ANKRD31: variants seen among roughly 807,000 people sequenced by gnomAD.
ANKRD31 encodes ankyrin repeat domain-containing protein 31.
Under a neutral mutation model 186.0 loss-of-function variants are expected in ANKRD31, and 147 were observed. The ratio of observed to expected loss-of-function variants is 0.79; its 90% CI spans 0.69 to 0.91. The LOEUF (loss-of-function observed/expected upper bound fraction) is 0.91, where lower values mean the gene tolerates loss of function less well. Among genes scored for constraint, ANKRD31 ranks in the 40% least tolerant of loss-of-function variants. ANKRD31 has a pLI of 0.00. For missense variants in ANKRD31, 1,986 were observed against 2,148.8 expected, an observed-to-expected ratio of 0.92 and a Z score of 1.50; for synonymous variants, 673 against 736.4, an observed-to-expected ratio of 0.91 and a Z score of 1.39.
intron 4 of ANKRD31, among the ~76,000 whole-genome samples, chr5:75,210,605 G>A (rs974371324): frequency 1.3e-5 from 2 of 151,922 alleles, no homozygotes; most frequent in South Asian, 2.1e-4. Flanking sequence ...CTTTAAATTC[G>A]CTTTTAAAAT....
intron 23 of ANKRD31, among the ~76,000 whole-genome samples, chr5:75,084,976 T>C (rs73127366): frequency 0.049 from 7,452 of 152,226 alleles, 393 homozygotes; most frequent in African/African-American, 0.13. Flanking sequence ...GAGGCAGAAC[T>C]GGTAAATTCT....
intron 15 of ANKRD31, among the ~76,000 whole-genome samples, chr5:75,140,869 C>T (rs774550283): frequency 6.6e-6 from 1 of 152,168 alleles, no homozygotes; most frequent in Non-Finnish European, 1.5e-5. Context: ...CCTAGTAGAG[C>T]CTTCAGATGA....
Position 75,129,806 on chromosome 5 carries a change from G to A in ANKRD31, c.3876+8050C>T, listed in dbSNP as rs1430905008. ...TTGTCGGACAGTGGGTGCAGCCCAC[G>A]GAGTGTGAGCCGAAGCAGGGCAGGG... On this transcript the variant is annotated intron_variant, in intron 17 of 25. Transcript: ENST00000506364. Among the ~76,000 whole-genome samples, 8 of 152,184 alleles carry A rather than the reference G, an allele frequency of 5.3e-5. No individual in the cohort carries two copies. In the East Asian group the frequency reaches 7.7e-4, roughly 15 times the overall value.
At chr5:75,159,770 A>G (rs1300725063) in intron 11 of ANKRD31, among the ~76,000 whole-genome samples, 1 of 152,080 alleles carries the variant, frequency 6.6e-6, no homozygotes, top group African/African-American at 2.4e-5. Context: ...TCAAATCCAC[A>G]TGAAAAAGCC....
chr5:75,224,130 T>TATTC (rs1757474360), intron 2 of ANKRD31, among the ~76,000 whole-genome samples: 1 of 8,104 alleles, frequency 1.2e-4, no homozygotes, highest in Non-Finnish European at 2.2e-4. Flanking sequence ...CAGAAATAAT[T>TATTC]ATATATATAT....
chr5:75,091,496 T>C (rs1745919412), intron 22 of ANKRD31, 95 bp from the exon 23 acceptor site: 4 of 1,085,396 alleles, frequency 3.7e-6, no homozygotes, highest in Non-Finnish European at 5.2e-6. Context: ...GGACCACATA[T>C]ACCCTAACAC....
At chr5:75,155,678 G>A (rs1561484989) in intron 11 of ANKRD31, among the ~76,000 whole-genome samples, 1 of 152,166 alleles carries the variant, frequency 6.6e-6, no homozygotes, top group Non-Finnish European at 1.5e-5. Context: ...AAATTTCCAT[G>A]TTAATGTATG....
intron 12 of ANKRD31, among the ~76,000 whole-genome samples, chr5:75,151,897 G>C (rs547073729): frequency 4.6e-5 from 7 of 152,056 alleles, no homozygotes; most frequent in African/African-American, 1.7e-4. Flanking sequence ...CGTAATTGCT[G>C]GCTATCCCTG....
intron 17 of ANKRD31, among the ~76,000 whole-genome samples, chr5:75,125,737 G>T (rs1749199053): frequency 6.6e-6 from 1 of 152,108 alleles, no homozygotes; most frequent in Admixed American, 6.5e-5. Context: ...TTCAGTAATA[G>T]TCATCCACAG....
intron 7 of ANKRD31, among the ~76,000 whole-genome samples, chr5:75,194,554 A>G (rs1193619536): frequency 6.6e-6 from 1 of 152,154 alleles, no homozygotes; most frequent in Non-Finnish European, 1.5e-5. Context: ...AAATCTTCAC[A>G]AGGATGTTCA....
intron 4 of ANKRD31, among the ~76,000 whole-genome samples, chr5:75,209,311 T>TA (rs968526896): frequency 7.3e-4 from 108 of 147,588 alleles, no homozygotes; most frequent in African/African-American, 2.3e-3. Flanking sequence ...CCTCTCAAGT[T>TA]AAAAAAAAAA....
chr5:75,192,618 A>C, intron 9 of ANKRD31, 49 bp downstream of exon 9: 1 of 1,325,028 alleles, frequency 7.5e-7, no homozygotes, highest in Non-Finnish European at 1.0e-6. Context: ...CCTTTCTACC[A>C]ATTCTGTTTT....
intron 20 of ANKRD31, among the ~76,000 whole-genome samples, chr5:75,109,352 T>A (rs1747585466): frequency 6.6e-6 from 1 of 152,160 alleles, no homozygotes; most frequent in Non-Finnish European, 1.5e-5. Context: ...CAAAGAAATG[T>A]ACAAAATGGG....
intron 10 of ANKRD31, among the ~76,000 whole-genome samples, chr5:75,173,106 C>A (rs536095063): frequency 6.6e-6 from 1 of 152,072 alleles, no homozygotes; most frequent in Non-Finnish European, 1.5e-5. Flanking sequence ...TAAATGTAAT[C>A]CATCACATAA....
chr5:75,172,853 C>A (rs1471479295), intron 10 of ANKRD31, among the ~76,000 whole-genome samples: 2 of 151,886 alleles, frequency 1.3e-5, no homozygotes, highest in Non-Finnish European at 1.5e-5. Flanking sequence ...TTCCAATCAA[C>A]AGAAAAAAAG....
intron 10 of ANKRD31, among the ~76,000 whole-genome samples, chr5:75,178,243 A>G (rs561881590): frequency 6.6e-6 from 1 of 152,354 alleles, no homozygotes; most frequent in African/African-American, 2.4e-5. Flanking sequence ...GCAATTCCTT[A>G]GTGACCTACA....
chr5:75,220,368 C>T (rs543811785), intron 3 of ANKRD31, among the ~76,000 whole-genome samples: 13 of 152,254 alleles, frequency 8.5e-5, no homozygotes, highest in East Asian at 1.9e-4. Flanking sequence ...TGGCCGGGAA[C>T]GGTGGCTCAC....
chr5:75,116,491 G>A (rs1221017351), intron 19 of ANKRD31, 75 bp downstream of exon 19: 1 of 747,506 alleles, frequency 1.3e-6, no homozygotes, highest in Non-Finnish European at 1.9e-6. Flanking sequence ...ACTGCCATTA[G>A]CCAATAACTA....
At chr5:75,216,238 G>T (rs1324313118) in intron 3 of ANKRD31, among the ~76,000 whole-genome samples, 1 of 152,130 alleles carries the variant, frequency 6.6e-6, no homozygotes, top group Non-Finnish European at 1.5e-5. Flanking sequence ...TAAGGCAATT[G>T]TTCCAAGCTG....
Sources: gnomAD v4.1 joint callset for allele counts (sites outside exome capture counted in the v4.1 genomes callset) on GRCh38, gnomAD v4.1.1 for gene constraint, MANE v1.5 for transcripts, NCBI Gene and HGNC (gene_info 2026-07-23, HGNC 2026-07-21) for gene names.